Variants in LRRC37A2 observed in about 807,000 individuals in gnomAD.
LRRC37A2 encodes the protein leucine-rich repeat-containing protein 37A2.
A neutral mutation model predicts 68.8 loss-of-function variants in LRRC37A2; 9 were observed. The observed-to-expected ratio is 0.13, with a 90% confidence interval of 0.08 to 0.23. The LOEUF (loss-of-function observed/expected upper bound fraction) is 0.23, where lower values mean the gene tolerates loss of function less well. Ranked by LOEUF, LRRC37A2 falls within the 10% of genes least tolerant of loss-of-function variation. The pLI is 1.00. For missense variants in LRRC37A2, 168 were observed against 950.4 expected (o/e 0.18, Z 10.82); for synonymous variants, 63 against 367.6 (o/e 0.17, Z 9.48).
the LRRC37A2 span, among the ~76,000 whole-genome samples, chr17:46,960,052 A>T: frequency 6.2e-4 from 95 of 152,340 alleles, 1 homozygote; most frequent in Admixed American, 1.8e-3. Context: ...CTCAGGACTG[A>T]TTCAGGCTAA....
At chr17:46,908,895 T>C in the LRRC37A2 span, among the ~76,000 whole-genome samples, 1 of 152,176 alleles carries the variant, frequency 6.6e-6, no homozygotes, top group Non-Finnish European at 1.5e-5. Context: ...CTATTCAGTC[T>C]GGAAAACTGG....
chr17:46,923,026 C>G, the LRRC37A2 span: 1 of 652,078 alleles, frequency 1.5e-6, no homozygotes, highest in Non-Finnish European at 2.8e-6. Context: ...ATTTCTCCTT[C>G]CCCTTCTCCG....
intron 8 of LRRC37A2, among the ~76,000 whole-genome samples, chr17:46,545,886 T>G (rs1465743676): frequency 6.7e-6 from 1 of 150,306 alleles, no homozygotes; most frequent in Non-Finnish European, 1.5e-5. Context: ...CAACAGGAAT[T>G]GAGAAAGGGA....
chr17:47,032,435 C>G, the LRRC37A2 span, among the ~76,000 whole-genome samples: 2 of 152,164 alleles, frequency 1.3e-5, no homozygotes, highest in Non-Finnish European at 2.9e-5. Context: ...GTGGCAGAAC[C>G]ACTTACAAGC....
the LRRC37A2 span, among the ~76,000 whole-genome samples, chr17:46,998,997 C>G: frequency 6.6e-6 from 1 of 152,200 alleles, no homozygotes; most frequent in Non-Finnish European, 1.5e-5. Context: ...GAGAGGGAAC[C>G]TCCCTCCCAG....
At chr17:46,771,934 G>C in the LRRC37A2 span, among the ~76,000 whole-genome samples, 1 of 143,708 alleles carries the variant, frequency 7.0e-6, no homozygotes, top group African/African-American at 2.5e-5. Flanking sequence ...GGCCCGCCGC[G>C]CCGCCGCCGC....
At chr17:46,529,246 A>G in intron 6 of LRRC37A2, among the ~76,000 whole-genome samples, 1 of 115,198 alleles carries the variant, frequency 8.7e-6, no homozygotes. Context: ...AGCTACCTTT[A>G]TTCTGTCCCA....
the LRRC37A2 span, among the ~76,000 whole-genome samples, chr17:47,003,085 C>T: frequency 1.7e-4 from 25 of 150,994 alleles, no homozygotes; most frequent in Admixed American, 1.7e-3. Flanking sequence ...CCAACTTCTA[C>T]AAATATTTTT....
At chr17:46,525,739 G>T (rs1395885405) in intron 6 of LRRC37A2, among the ~76,000 whole-genome samples, 1 of 101,060 alleles carries the variant, frequency 9.9e-6, no homozygotes, top group Non-Finnish European at 2.1e-5. Context: ...AAAACATTCA[G>T]AGTGTCATGT....
chr17:46,728,857 T>C, the LRRC37A2 span: 1 of 1,601,284 alleles, frequency 6.2e-7, no homozygotes, highest in Non-Finnish European at 8.5e-7. Context: ...TTTTCCAGAT[T>C]ACGTCCCTAT....
At chr17:46,777,678 T>C in the LRRC37A2 span, among the ~76,000 whole-genome samples, 1 of 152,218 alleles carries the variant, frequency 6.6e-6, no homozygotes. Context: ...ATACATAATC[T>C]CACTGAATCC....
chr17:47,030,108 T>G, the LRRC37A2 span, among the ~76,000 whole-genome samples: 1 of 118,436 alleles, frequency 8.4e-6, no homozygotes, highest in African/African-American at 3.3e-5. Flanking sequence ...ATCATCATCA[T>G]CATCATCATC....
chr17:46,784,519 G>A, the LRRC37A2 span, among the ~76,000 whole-genome samples: 5 of 152,148 alleles, frequency 3.3e-5, no homozygotes, highest in Non-Finnish European at 7.4e-5. Context: ...GCCAAGGGGT[G>A]GAGGCACCAG....
the LRRC37A2 span, among the ~76,000 whole-genome samples, chr17:46,743,022 C>T: frequency 6.6e-6 from 1 of 152,194 alleles, no homozygotes; most frequent in Non-Finnish European, 1.5e-5. Context: ...TGCTGCCTCT[C>T]CCTGAGGCCC....
chr17:46,635,818 T>TGTGC, the LRRC37A2 span, among the ~76,000 whole-genome samples: 97 of 138,438 alleles, frequency 7.0e-4, 3 homozygotes, highest in South Asian at 2.0e-3. Flanking sequence ...TGTGTGTGTG[T>TGTGC]GCTCGTGTGT....
At chr17:46,838,242 A>T in the LRRC37A2 span, among the ~76,000 whole-genome samples, 1 of 151,870 alleles carries the variant, frequency 6.6e-6, no homozygotes, top group Non-Finnish European at 1.5e-5. Flanking sequence ...AATTGGTGGT[A>T]AGGTGGGGAG....
chr17:47,033,515 C>A, the LRRC37A2 span: 5 of 617,414 alleles, frequency 8.1e-6, no homozygotes, highest in Non-Finnish European at 1.4e-5. Flanking sequence ...CCCTGACAGC[C>A]TTGGGATTCT....
chr17:46,769,835 C>T, the LRRC37A2 span: 1 of 1,613,342 alleles, frequency 6.2e-7, no homozygotes, highest in Non-Finnish European at 8.5e-7. Flanking sequence ...CGCGTCCGGC[C>T]TGTTCTCGCG....
chr17:46,711,600 C>T, the LRRC37A2 span, among the ~76,000 whole-genome samples: 19 of 152,256 alleles, frequency 1.2e-4, no homozygotes, highest in Non-Finnish European at 2.2e-4. Context: ...ACTAGAGATG[C>T]TATTTAATCT....
Sources: allele counts gnomAD v4.1 joint callset (sites outside exome capture counted in the v4.1 genomes callset), GRCh38; gene constraint gnomAD v4.1.1; transcripts MANE v1.5; gene names NCBI Gene and HGNC (gene_info 2026-07-23, HGNC 2026-07-21).